Variants in PERP observed in about 807,000 individuals in gnomAD.
PERP encodes p53 apoptosis effector related to PMP22.
In PERP, 11 loss-of-function variants were observed where a neutral mutation model predicts 20.3. That is an observed-to-expected ratio of 0.54 (90% CI 0.34 to 0.90). The LOEUF (loss-of-function observed/expected upper bound fraction) is 0.90. Among genes scored for constraint, PERP ranks in the 40% least tolerant of loss-of-function variants. The pLI, the probability that PERP is intolerant of heterozygous loss-of-function variation, is 0.02. For synonymous variants in PERP, 101 were observed against 102.0 expected (o/e 0.99, Z 0.06); for missense variants, 224 against 249.4 (o/e 0.90, Z 0.69).
At chr6:138,106,997 C>A in intron 1 of PERP, 130 bp downstream of exon 1, 2 of 922,190 alleles carry the variant, frequency 2.2e-6, no homozygotes, top group Non-Finnish European at 3.1e-6. Flanking sequence ...CCGAGCTCGT[C>A]CTAAACAGGC....
chr6:138,102,840 C>T (rs1310561621), intron 1 of PERP, among the ~76,000 whole-genome samples: 1 of 152,098 alleles, frequency 6.6e-6, no homozygotes, highest in South Asian at 2.1e-4. Flanking sequence ...TGGCTCACGC[C>T]TGTAATCTCA....
chr6:138,093,496 AG>A (rs1775622103), intron 2 of PERP, among the ~76,000 whole-genome samples: 1 of 152,132 alleles, frequency 6.6e-6, no homozygotes, highest in Non-Finnish European at 1.5e-5. Flanking sequence ...GGACAATCTT[AG>A]GGCAAATCTT....
At position 138,102,223 on chromosome 6, in the gene PERP, T is replaced by A. The variant is rs536289851; in HGVS notation, c.214+4904A>T. 7.2e-5 allele frequency among the ~76,000 whole-genome samples: 11 copies of A among 152,354 alleles called. No homozygotes were observed. The South Asian group carries it at 2.3e-3, about 32-fold the overall frequency. On this transcript the variant is annotated intron_variant, in intron 1 of 2. Coordinates refer to ENST00000421351, the MANE Select transcript of PERP (RefSeq NM_022121.5). ...CTGTTACTTTAACCCTTAATAACCT[T>A]CTTTTAGACGATTTATCTAATCAAC... is the stretch of plus-strand genomic sequence containing the variant.
intron 2 of PERP, among the ~76,000 whole-genome samples, chr6:138,094,923 G>C (rs1381189134): frequency 1.3e-5 from 2 of 152,090 alleles, no homozygotes; most frequent in Non-Finnish European, 2.9e-5. Context: ...GTTTCACCAT[G>C]TTGGCCAGGC....
chr6:138,106,257 T>C (rs1281505322), intron 1 of PERP, among the ~76,000 whole-genome samples: 3 of 152,104 alleles, frequency 2.0e-5, no homozygotes, highest in African/African-American at 7.2e-5. Context: ...CTAATCACAG[T>C]AGACCCCAGC....
At position 138,096,377 on chromosome 6, in the gene PERP, A is replaced by G. The variant is rs553462076; in HGVS notation, c.332T>C (p.Ile111Thr). Reference sequence around the variant, plus strand: ...ACCAGCCAAGGCAAGGAGACCTCCAATCACTCTCAGGAAGACAAGCATCTG... The same window carrying G: ...ACCAGCCAAGGCAAGGAGACCTCCAGTCACTCTCAGGAAGACAAGCATCTG... ...GPQMLVFLRV[I>T]GGLLALAAVF... Residue 111 changes from isoleucine to threonine, a missense_variant, in exon 2 of 3, where the codon ATT becomes ACT. By Grantham distance (89) the Ile-to-Thr change is moderately conservative. Coordinates refer to ENST00000421351, the MANE Select transcript of PERP (RefSeq NM_022121.5). The G allele has an allele frequency of 1.9e-5, 31 of 1,614,060 alleles. 1 individual carries two copies. In the South Asian group the frequency reaches 3.1e-4, roughly 16 times the overall value.
intron 1 of PERP, among the ~76,000 whole-genome samples, chr6:138,103,243 G>A (rs539813499): frequency 2.0e-4 from 30 of 151,822 alleles, no homozygotes; most frequent in African/African-American, 7.0e-4. Context: ...TCCGCCTCCC[G>A]GGTTCAAGCA....
At chr6:138,094,511 C>T (rs77907459) in intron 2 of PERP, among the ~76,000 whole-genome samples, 8,128 of 152,160 alleles carry the variant, frequency 0.053, 320 homozygotes, top group Middle Eastern at 0.15. Context: ...TATGTATATA[C>T]GCATTTTGTT....
intron 1 of PERP, among the ~76,000 whole-genome samples, chr6:138,106,796 A>C (rs1451458675): frequency 6.6e-6 from 1 of 152,218 alleles, no homozygotes; most frequent in Non-Finnish European, 1.5e-5. Context: ...GGTCTCCAAG[A>C]AACTTTGTTC....
Position 138,088,977 on chromosome 6 carries a change from C to T in PERP, c.*3065G>A, listed in dbSNP as rs2114322725. The T allele has an allele frequency of 6.6e-6, 1 of 152,202 alleles. No individual in the cohort carries two copies. Among genetic ancestry groups the T allele is most frequent in the South Asian group, 2.1e-4 (1 of 4,818 alleles). The allele number at this position is 152,202 out of a possible 1,614,324, so 9.4% of individuals were successfully genotyped here. A position where few individuals can be genotyped will look rare whatever the true frequency, so the allele number is the denominator to read the frequency against. On this transcript the variant is annotated 3_prime_UTR_variant, in exon 3 of 3. Transcript: ENST00000421351. ...TGGGACTGAATCTATTCGTTCCAAC[C>T]TCCCTAAGCAATCCACTTATTGATC...
chr6:138,089,111 G>A lies in PERP; in HGVS notation c.*2931C>T, dbSNP rs954954528. The A allele has an allele frequency of 5.3e-5, 8 of 152,222 alleles. No individual in the cohort carries two copies. The East Asian group carries it at 1.5e-3, about 29-fold the overall frequency. 9.4% of individuals were successfully genotyped at this position (152,222 alleles called of 1,614,324 possible). ...TCATTTACAATCATTTTACAGGTGA[G>A]GATATTGAGACCAGCAGGGAGATGA... On this transcript the variant is annotated 3_prime_UTR_variant, in exon 3 of 3. Transcript: ENST00000421351.
In PERP at chr6:138,107,321, G is replaced by A; in HGVS notation, c.20C>T (p.Ala7Val). The change falls in exon 1 of 3, where the codon GCC (alanine) becomes GTC (valine). Residue 7 changes from alanine to valine, a missense_variant. Physicochemically the swap from Ala to Val is moderately conservative, Grantham distance 64. Coordinates refer to ENST00000421351, the MANE Select transcript of PERP (RefSeq NM_022121.5). This position sits in a 1 kb window ranked among gnomAD's most constrained non-coding sequence, Gnocchi z 4.8. MIRCGL[A>V]CERCRWILPL... ...CAGGATCCAGCGGCAGCGCTCGCAG[G>A]CCAGGCCGCAGCGGATCATGTTGAC... 6.2e-7 allele frequency: 1 copy of A among 1,601,156 alleles called. No homozygotes were observed. The highest frequency in any genetic ancestry group is 8.5e-7 in the Non-Finnish European group (1 of 1,176,942).
At chr6:138,106,884 A>G (rs1344636699) in intron 1 of PERP, among the ~76,000 whole-genome samples, 1 of 149,086 alleles carries the variant, frequency 6.7e-6, no homozygotes, top group East Asian at 2.0e-4. Flanking sequence ...GAAAAAAACT[A>G]TACAGTTTGA....
Position 138,091,935 on chromosome 6 carries a change from T to C in PERP, c.*107A>G, listed in dbSNP as rs1213661944. The C allele has an allele frequency of 7.6e-6, 7 of 924,222 alleles. No individual in the cohort carries two copies. The highest frequency in any genetic ancestry group is 1.1e-5 in the Non-Finnish European group (7 of 620,972). The allele number at this position is 924,222 out of a possible 1,614,324, so 57.3% of individuals were successfully genotyped here. A position where few individuals can be genotyped will look rare whatever the true frequency, so the allele number is the denominator to read the frequency against. ...ATTTTAGCATTTTTGACTAGTTTAA[T>C]AATATGAACACTGCCAAAAAATGGG... On this transcript the variant is annotated 3_prime_UTR_variant, in exon 3 of 3. Coordinates refer to ENST00000421351, the MANE Select transcript of PERP (RefSeq NM_022121.5).
intron 1 of PERP, among the ~76,000 whole-genome samples, chr6:138,105,228 A>G (rs1775825010): frequency 6.6e-6 from 1 of 152,254 alleles, no homozygotes. Context: ...TACGAAAATC[A>G]GTCATGCTGC....
chr6:138,094,113 A>AT (rs1775636755), intron 2 of PERP, among the ~76,000 whole-genome samples: 1 of 152,180 alleles, frequency 6.6e-6, no homozygotes, highest in South Asian at 2.1e-4. Context: ...TTACTAGGAT[A>AT]TTTTTTATTC....
At chr6:138,105,052 A>G (rs1373516806) in intron 1 of PERP, among the ~76,000 whole-genome samples, 1 of 152,228 alleles carries the variant, frequency 6.6e-6, no homozygotes, top group Non-Finnish European at 1.5e-5. Flanking sequence ...AGGTAGCTCC[A>G]TATCTGCTGT....
rs908306706 is a variant in PERP at position 138,090,077 on chromosome 6, A to AT, written c.*1964dup. On this transcript the variant is annotated 3_prime_UTR_variant, in exon 3 of 3. Coordinates refer to ENST00000421351, the MANE Select transcript of PERP (RefSeq NM_022121.5). ...CACTTTAAAAGATGGGATTTTTAAC[A>AT]TTTTTAATGACCACTTCAAATTCTC... 8 of 152,150 alleles carry AT rather than the reference A, an allele frequency of 5.3e-5. No individual in the cohort carries two copies. Among genetic ancestry groups the AT allele is most frequent in the African/African-American group, 1.9e-4 (8 of 41,428 alleles). 9.4% of individuals were successfully genotyped at this position (152,150 alleles called of 1,614,324 possible). A position where few individuals can be genotyped will look rare whatever the true frequency, so the allele number is the denominator to read the frequency against.
intron 2 of PERP, among the ~76,000 whole-genome samples, chr6:138,092,735 T>G (rs1400934851): frequency 1.3e-5 from 2 of 152,174 alleles, no homozygotes; most frequent in Non-Finnish European, 2.9e-5. Context: ...GACTCAATAT[T>G]GATATTCAAT....
Sources: allele counts gnomAD v4.1 joint callset (sites outside exome capture counted in the v4.1 genomes callset), GRCh38; gene constraint gnomAD v4.1.1; non-coding constraint Gnocchi (gnomAD v3.1); transcripts MANE v1.5; gene names NCBI Gene and HGNC (gene_info 2026-07-23, HGNC 2026-07-21).